The following BBX variants were observed in gnomAD, a reference collection of about 807,000 sequenced individuals.
BBX encodes HMG box transcription factor BBX.
BBX carries 30 observed loss-of-function variants against 100.2 expected under a neutral mutation model. The observed-to-expected ratio is 0.30, with a 90% CI of 0.22 to 0.41. BBX has a LOEUF of 0.41. Among genes scored for constraint, BBX ranks in the 10% least tolerant of loss-of-function variants. The pLI is 1.00. For synonymous variants in BBX, 376 were observed against 388.1 expected, an observed-to-expected ratio of 0.97 and a Z score of 0.37; for missense variants, 1,023 against 1,129.8, an observed-to-expected ratio of 0.91 and a Z score of 1.35.
intron 5 of BBX, 102 bp downstream of exon 5, chr3:107,716,951 G>A (rs1331923844): frequency 7.3e-7 from 1 of 1,376,456 alleles, no homozygotes; most frequent in Non-Finnish European, 1.0e-6. Flanking sequence ...GCAATGAGAA[G>A]GTGAATCATA....
chr3:107,678,280 T>C (rs373337630), intron 3 of BBX, among the ~76,000 whole-genome samples: 72 of 152,096 alleles, frequency 4.7e-4, no homozygotes, highest in African/African-American at 1.5e-3. Flanking sequence ...CATGCAGAGA[T>C]ATTTCTTTAC....
rs187139698 is a variant in BBX, at chr3:107,568,795, T to C, written c.-84+42397T>C. On this transcript the variant is annotated intron_variant, in intron 2 of 17. Coordinates refer to ENST00000325805, the MANE Select transcript of BBX (RefSeq NM_001142568.3). ...GGTGTCCTAACAGTCTGATCAGTCT[T>C]ATAGTTCAATAAATAAATTTTTAAT... 2.2e-3 allele frequency among the ~76,000 whole-genome samples: 328 copies of C among 152,338 alleles called. 6 individuals carry two copies. In the Middle Eastern group the frequency reaches 0.051, roughly 24 times the overall value.
At chr3:107,711,367 A>T in intron 4 of BBX, 5 of 470,632 alleles carry the variant, frequency 1.1e-5, no homozygotes, top group South Asian at 7.8e-5. Context: ...GGCACATAGT[A>T]GGTATTAAAT....
chr3:107,544,857 A>AAG (rs1274726603), intron 2 of BBX, among the ~76,000 whole-genome samples: 5 of 151,134 alleles, frequency 3.3e-5, no homozygotes, highest in Non-Finnish European at 7.4e-5. Flanking sequence ...AAAAAAAAAA[A>AAG]AAGAAAAAAA....
chr3:107,635,633 T>A (rs1006137999), intron 2 of BBX, among the ~76,000 whole-genome samples: 9 of 152,132 alleles, frequency 5.9e-5, no homozygotes, highest in African/African-American at 1.9e-4. Flanking sequence ...TCACTGAAAT[T>A]AGGATTTGAA....
intron 2 of BBX, among the ~76,000 whole-genome samples, chr3:107,591,724 G>C (rs2053329645): frequency 6.6e-6 from 1 of 152,186 alleles, no homozygotes; most frequent in South Asian, 2.1e-4. Context: ...CTGGGCTTAA[G>C]CAGTCCTCCC....
At chr3:107,798,435 G>A (rs2069993173) in intron 15 of BBX, 88 bp from the exon 16 acceptor site, 1 of 1,268,528 alleles carries the variant, frequency 7.9e-7, no homozygotes, top group East Asian at 2.4e-5. Context: ...ATTCAGACGG[G>A]TCAGAAATTT....
At chr3:107,622,891 A>T (rs537539424) in intron 2 of BBX, among the ~76,000 whole-genome samples, 1 of 152,252 alleles carries the variant, frequency 6.6e-6, no homozygotes, top group South Asian at 2.1e-4. Context: ...TTCCTATGTC[A>T]GTTCAGTTTT....
chr3:107,650,451 A>C (rs1397965955), intron 3 of BBX, among the ~76,000 whole-genome samples: 1 of 152,138 alleles, frequency 6.6e-6, no homozygotes, highest in Non-Finnish European at 1.5e-5. Context: ...CTGGTGCTAA[A>C]AAAAAAACAT....
At chr3:107,777,597 G>A (rs1485005829) in intron 12 of BBX, among the ~76,000 whole-genome samples, 1 of 152,158 alleles carries the variant, frequency 6.6e-6, no homozygotes, top group African/African-American at 2.4e-5. Context: ...CTAGGATCCA[G>A]CAGGCATGTT....
chr3:107,768,847 TAGAA>T (rs1054547743), intron 10 of BBX, among the ~76,000 whole-genome samples: 24 of 150,732 alleles, frequency 1.6e-4, no homozygotes, highest in African/African-American at 5.6e-4. Context: ...AACATAATCT[TAGAA>T]AGATATTGCT....
At chr3:107,791,497 G>A (rs1039151737) in intron 15 of BBX, among the ~76,000 whole-genome samples, 198 bp downstream of exon 15, 4 of 152,222 alleles carry the variant, frequency 2.6e-5, no homozygotes, top group African/African-American at 9.6e-5. Flanking sequence ...AATGTGTCAT[G>A]TGGTGTTTAA....
chr3:107,693,921 G>T (rs1289933029), intron 3 of BBX, among the ~76,000 whole-genome samples: 2 of 151,172 alleles, frequency 1.3e-5, no homozygotes, highest in Non-Finnish European at 2.9e-5. Context: ...CACATCCCTT[G>T]TAAGTTGGAT....
At chr3:107,700,417 T>TC (rs2060951642) in intron 3 of BBX, among the ~76,000 whole-genome samples, 3 of 28,200 alleles carry the variant, frequency 1.1e-4, no homozygotes, top group African/African-American at 5.8e-4. Flanking sequence ...TCATCATCAT[T>TC]ATTATTATTA....
chr3:107,728,110 T>G (rs1168105418), intron 5 of BBX, among the ~76,000 whole-genome samples: 1 of 152,138 alleles, frequency 6.6e-6, no homozygotes, highest in African/African-American at 2.4e-5. Context: ...TGTGATGGAT[T>G]ATTGCAACAT....
chr3:107,571,702 G>A (rs774263926), intron 2 of BBX, among the ~76,000 whole-genome samples: 3 of 152,310 alleles, frequency 2.0e-5, no homozygotes, highest in East Asian at 1.9e-4. Context: ...CCAGGTCTTC[G>A]GCACCAAATG....
intron 3 of BBX, among the ~76,000 whole-genome samples, chr3:107,685,117 A>T (rs1391786858): frequency 3.3e-5 from 5 of 152,206 alleles, no homozygotes; most frequent in African/African-American, 7.2e-5. Flanking sequence ...AGAACAGAAA[A>T]TAAGAATGTA....
intron 2 of BBX, among the ~76,000 whole-genome samples, chr3:107,629,684 A>G (rs2056427448): frequency 6.6e-6 from 1 of 152,204 alleles, no homozygotes; most frequent in African/African-American, 2.4e-5. Flanking sequence ...GTGGTCACAC[A>G]GAAATTTTGC....
At position 107,621,599 on chromosome 3, in the gene BBX, C is replaced by A. The variant is rs1442909178; in HGVS notation, c.-83-24237C>A. Among the ~76,000 whole-genome samples, 9 of 152,290 alleles carry A rather than the reference C, an allele frequency of 5.9e-5. No homozygotes were observed. In the South Asian group the frequency reaches 1.9e-3, roughly 32 times the overall value. On this transcript the variant is annotated intron_variant, in intron 2 of 17. Coordinates refer to ENST00000325805, the MANE Select transcript of BBX (RefSeq NM_001142568.3). ...GGGTCTTTCAAAGACAGTTTGTCAT[C>A]TCAGGTAATTTAGATATCGTTCAGC...
Sources: gnomAD v4.1 joint callset for allele counts (sites outside exome capture counted in the v4.1 genomes callset) on GRCh38, gnomAD v4.1.1 for gene constraint, MANE v1.5 for transcripts, NCBI Gene and HGNC (gene_info 2026-07-23, HGNC 2026-07-21) for gene names.